The following ABCB11 variants were observed in gnomAD, a reference collection of about 807,000 sequenced individuals.
ABCB11 encodes bile salt export pump.
A neutral mutation model predicts 148.0 loss-of-function variants in ABCB11; 95 were observed. The observed-to-expected ratio is 0.64, with a 90% CI of 0.54 to 0.76. The LOEUF (loss-of-function observed/expected upper bound fraction) is 0.76, where lower values mean the gene tolerates loss of function less well. Among genes scored for constraint, ABCB11 ranks in the 30% least tolerant of loss-of-function variants. The pLI, the probability that ABCB11 is intolerant of heterozygous loss-of-function variation, is 0.00. For synonymous variants in ABCB11, 591 were observed against 555.4 expected (o/e 1.06, Z -0.90); for missense variants, 1,523 against 1,617.8 (o/e 0.94, Z 1.01).
At chr2:169,016,982 A>ACACACG in intron 2 of ABCB11, among the ~76,000 whole-genome samples, 183 bp from the exon 3 acceptor site, 1 of 86,788 alleles carries the variant, frequency 1.2e-5, no homozygotes, top group Non-Finnish European at 2.4e-5. Flanking sequence ...ATCTTTCTAC[A>ACACACG]CACACACACA....
chr2:169,025,683 T>C (rs945630657), intron 1 of ABCB11, among the ~76,000 whole-genome samples: 1 of 152,246 alleles, frequency 6.6e-6, no homozygotes, highest in Admixed American at 6.5e-5. Context: ...TACAAATAGT[T>C]TTTGTGGTTT....
downstream of ABCB11, among the ~76,000 whole-genome samples, chr2:168,917,025 C>T (rs867534261): frequency 6.6e-6 from 1 of 152,112 alleles, no homozygotes; most frequent in African/African-American, 2.4e-5. Flanking sequence ...GTATTTTACA[C>T]TTTCAGAATA....
chr2:169,020,222 T>C (rs539334535), intron 1 of ABCB11, among the ~76,000 whole-genome samples: 1 of 152,278 alleles, frequency 6.6e-6, no homozygotes, highest in African/African-American at 2.4e-5. Context: ...TATAATTAAA[T>C]ACATATTTAT....
At position 169,002,202 on chromosome 2, in the gene ABCB11, G is replaced by A. The variant is rs552895888; in HGVS notation, c.390-5480C>T. 2.9e-4 allele frequency among the ~76,000 whole-genome samples: 44 copies of A among 152,228 alleles called. No homozygotes were observed. In the South Asian group the frequency reaches 4.4e-3, roughly 15 times the overall value. ...GTAAAGATAAAAGGGTCAATCCATC[G>A]TGAAGTGATAACATTTATGGAGATA... On this transcript the variant is annotated intron_variant, in intron 5 of 27. Transcript: ENST00000650372.
At chr2:169,017,236 T>C (rs185340572) in intron 2 of ABCB11, among the ~76,000 whole-genome samples, 10 of 151,452 alleles carry the variant, frequency 6.6e-5, no homozygotes, top group Admixed American at 6.6e-5. Flanking sequence ...AATAAGATGT[T>C]AATAACAAGA....
In ABCB11 at chr2:168,944,700, T is replaced by C. The variant is rs372757355; in HGVS notation, c.2515A>G (p.Met839Val). Residue 839 changes from methionine (M) to valine (V), a missense_variant, in exon 21 of 28, where the codon ATG becomes GTG. Physicochemically the swap from Met to Val is conservative, Grantham distance 21. Transcript: ENST00000650372. ...AACCAGGCAATATCTTGCCCCAGCATTGCCCTGAAACCAAATTTACGTAGC... is the reference window on the plus strand; with the variant it reads ...AACCAGGCAATATCTTGCCCCAGCACTGCCCTGAAACCAAATTTACGTAGC... ...KRLRKFGFRA[M>V]LGQDIAWFDD... The C allele has an allele frequency of 7.3e-5, 118 of 1,612,914 alleles. No individual in the cohort carries two copies. Among genetic ancestry groups the C allele is most frequent in the Non-Finnish European group, 9.0e-5 (106 of 1,179,228 alleles).
chr2:168,986,047 T>C, intron 10 of ABCB11, 63 bp downstream of exon 10: 1 of 1,307,672 alleles, frequency 7.6e-7, no homozygotes, highest in South Asian at 2.1e-5. Flanking sequence ...AAATATCTAA[T>C]CCATGGACTT....
chr2:169,021,542 C>T (rs904344535), intron 1 of ABCB11, among the ~76,000 whole-genome samples: 1 of 151,942 alleles, frequency 6.6e-6, no homozygotes, highest in African/African-American at 2.4e-5. Context: ...AAAATTTAAA[C>T]ACAACTTTAT....
Position 169,016,758 on chromosome 2 carries a change from T to C in ABCB11, c.98+20A>G. On this transcript the variant is annotated intron_variant, in intron 3 of 27. Coordinates refer to ENST00000650372, the MANE Select transcript of ABCB11 (RefSeq NM_003742.4). ...AGTTATTCTAGAAAAGATGCTGCAT[T>C]GTTGAAATCAGTCACTTACCTTGAT... The C allele has an allele frequency of 6.3e-7, 1 of 1,593,612 alleles. No homozygotes were observed. Among genetic ancestry groups the C allele is most frequent in the Non-Finnish European group, 8.6e-7 (1 of 1,166,142 alleles).
chr2:169,014,253 A>G, intron 4 of ABCB11, 50 bp downstream of exon 4: 1 of 1,565,152 alleles, frequency 6.4e-7, no homozygotes, highest in Non-Finnish European at 8.8e-7. Context: ...CATGATCTAA[A>G]CAATTTATAG....
rs189092275 is a variant in ABCB11 at position 168,988,008 on chromosome 2, G to A, written c.909-1724C>T. Among the ~76,000 whole-genome samples, 50 of 151,946 alleles carry A rather than the reference G, an allele frequency of 3.3e-4. No homozygotes were observed. In the East Asian group the frequency reaches 8.9e-3, roughly 27 times the overall value. On this transcript the variant is annotated intron_variant, in intron 9 of 27. Coordinates refer to ENST00000650372, the MANE Select transcript of ABCB11 (RefSeq NM_003742.4). The stretch of plus-strand genomic sequence containing the variant: ...CTTATATTGTGTGTGTGTGTGTGAT[G>A]AGAACACTTAAAAATCTATTCTTAG...
At chr2:168,934,815 A>G (rs1440720793) in intron 23 of ABCB11, among the ~76,000 whole-genome samples, 2 of 152,156 alleles carry the variant, frequency 1.3e-5, no homozygotes, top group Admixed American at 6.5e-5. Flanking sequence ...GCTTGATGGT[A>G]TGACTTTCTT....
intron 1 of ABCB11, among the ~76,000 whole-genome samples, chr2:169,020,463 TAAAG>T (rs1370774772): frequency 1.3e-5 from 2 of 151,366 alleles, no homozygotes; most frequent in African/African-American, 4.9e-5. Flanking sequence ...TAAAAAAAAC[TAAAG>T]AAACTAAAAA....
At chr2:168,961,445 A>G (rs183643519) in intron 18 of ABCB11, among the ~76,000 whole-genome samples, 1 of 151,810 alleles carries the variant, frequency 6.6e-6, no homozygotes, top group Admixed American at 6.6e-5. Flanking sequence ...TATGGGTCCC[A>G]TCTCTGTCTT....
chr2:168,966,586 T>G (rs1693331635), intron 17 of ABCB11, among the ~76,000 whole-genome samples: 1 of 151,934 alleles, frequency 6.6e-6, no homozygotes, highest in African/African-American at 2.4e-5. Flanking sequence ...CTTGGGGGAC[T>G]AAATACTATC....
At chr2:168,972,624 G>A (rs542179451) in intron 13 of ABCB11, among the ~76,000 whole-genome samples, 3 of 152,008 alleles carry the variant, frequency 2.0e-5, no homozygotes, top group Non-Finnish European at 4.4e-5. Flanking sequence ...GTGGTAGGTA[G>A]TAAAGAATAC....
intron 23 of ABCB11, among the ~76,000 whole-genome samples, chr2:168,933,834 T>C (rs1025257852): frequency 2.0e-5 from 3 of 152,162 alleles, no homozygotes; most frequent in Non-Finnish European, 4.4e-5. Flanking sequence ...AGCCTCTGCC[T>C]CCTGGGTTCA....
intron 10 of ABCB11, among the ~76,000 whole-genome samples, chr2:168,981,970 T>A (rs1438261242): frequency 1.3e-5 from 2 of 152,154 alleles, no homozygotes; most frequent in African/African-American, 4.8e-5. Flanking sequence ...GGGGTCCAAC[T>A]CTTTGAATGG....
At chr2:168,923,865 G>T in intron 27 of ABCB11, 43 bp from the exon 28 acceptor site, 1 of 1,584,862 alleles carries the variant, frequency 6.3e-7, no homozygotes, top group Non-Finnish European at 8.7e-7. Flanking sequence ...ATGCATGATT[G>T]CTCCCCAGCC....
Sources: gnomAD v4.1 joint callset for allele counts (sites outside exome capture counted in the v4.1 genomes callset) on GRCh38, gnomAD v4.1.1 for gene constraint, MANE v1.5 for transcripts, NCBI Gene and HGNC (gene_info 2026-07-23, HGNC 2026-07-21) for gene names.